Variants in QDPR observed in about 807,000 individuals in gnomAD.
QDPR encodes dihydropteridine reductase.
A neutral mutation model predicts 31.7 loss-of-function variants in QDPR; 23 were observed. That is an observed-to-expected ratio of 0.73 (90% CI 0.52 to 1.03). The LOEUF (loss-of-function observed/expected upper bound fraction) is 1.03, where lower values mean the gene tolerates loss of function less well. Among genes scored for constraint, QDPR ranks in the 50% least tolerant of loss-of-function variants. The pLI is 0.00. For synonymous variants in QDPR, 124 were observed against 124.7 expected, an observed-to-expected ratio of 0.99 and a Z score of 0.03; for missense variants, 324 against 323.8, an observed-to-expected ratio of 1.00 and a Z score of 0.00.
At chr4:17,490,429 G>A (rs1003030799) in intron 6 of QDPR, 12 of 513,446 alleles carry the variant, frequency 2.3e-5, no homozygotes, top group African/African-American at 9.5e-5. Flanking sequence ...GGTGGTGAGG[G>A]AGCGAGCCAG....
intron 3 of QDPR, among the ~76,000 whole-genome samples, chr4:17,503,671 C>T (rs1211539163): frequency 2.0e-5 from 3 of 152,138 alleles, no homozygotes; most frequent in African/African-American, 7.2e-5. Context: ...AAAAATGGGC[C>T]AGGCGCACTG....
intron 5 of QDPR, among the ~76,000 whole-genome samples, chr4:17,491,096 C>T (rs904768949): frequency 1.6e-4 from 25 of 152,190 alleles, no homozygotes; most frequent in African/African-American, 4.8e-4. Flanking sequence ...CCCTAACATG[C>T]AGCACACTCA....
intron 1 of QDPR, among the ~76,000 whole-genome samples, chr4:17,511,291 C>T (rs771056829): frequency 6.6e-6 from 1 of 152,116 alleles, no homozygotes; most frequent in Non-Finnish European, 1.5e-5. Flanking sequence ...AAATTGACAC[C>T]TGACTATGCA....
chr4:17,490,332 C>T (rs1186206685), intron 6 of QDPR: 7 of 361,726 alleles, frequency 1.9e-5, no homozygotes, highest in Middle Eastern at 9.3e-4. Flanking sequence ...CACACTATCA[C>T]GTTTAATCCT....
chr4:17,507,641 T>C (rs1718836406), intron 2 of QDPR, among the ~76,000 whole-genome samples: 1 of 151,558 alleles, frequency 6.6e-6, no homozygotes, highest in Non-Finnish European at 1.5e-5. Flanking sequence ...TCTCACTCTG[T>C]CACCCAGGAT....
chr4:17,503,452 AAC>A lies in QDPR; in HGVS notation c.295+925_295+926del, dbSNP rs554547854. On this transcript the variant is annotated intron_variant, in intron 3 of 6. Coordinates refer to ENST00000281243, the MANE Select transcript of QDPR (RefSeq NM_000320.3). ...GTAGGACGGGCTTATTCTTTGGAGAAACACGCGGAAATATAGTGAGGTGTAAA... is the reference window on the plus strand; with the variant it reads ...GTAGGACGGGCTTATTCTTTGGAGAAACGCGGAAATATAGTGAGGTGTAAA... Among the ~76,000 whole-genome samples, 92 of 152,344 alleles carry A rather than the reference AAC, an allele frequency of 6.0e-4. No individual in the cohort carries two copies. The Middle Eastern group carries it at 0.014, about 23-fold the overall frequency.
intron 4 of QDPR, among the ~76,000 whole-genome samples, chr4:17,494,423 A>G (rs1718279211): frequency 1.3e-5 from 2 of 152,154 alleles, no homozygotes; most frequent in Admixed American, 6.6e-5. Context: ...CAGCTTCATC[A>G]CCAGAACATG....
chr4:17,487,258 T>C, intron 6 of QDPR, 22 bp from the exon 7 acceptor site: 1 of 1,601,216 alleles, frequency 6.2e-7, no homozygotes, highest in Non-Finnish European at 8.6e-7. Context: ...AATAAAAGTT[T>C]TTTTTATATT....
intron 2 of QDPR, among the ~76,000 whole-genome samples, chr4:17,505,091 A>G (rs557703565): frequency 6.6e-5 from 10 of 152,182 alleles, no homozygotes; most frequent in African/African-American, 9.7e-5. Context: ...AGCATTGAAA[A>G]TATATGTATG....
intron 4 of QDPR, among the ~76,000 whole-genome samples, chr4:17,497,040 C>T (rs993369897): frequency 2.6e-5 from 4 of 152,114 alleles, no homozygotes; most frequent in Admixed American, 1.3e-4. Flanking sequence ...TGAGCCATCG[C>T]GCCCTGCCAA....
intron 3 of QDPR, among the ~76,000 whole-genome samples, chr4:17,504,036 T>C (rs1376136487): frequency 6.6e-6 from 1 of 152,104 alleles, no homozygotes; most frequent in East Asian, 1.9e-4. Context: ...TAGTAAAATC[T>C]CAAGTTTGAC....
At chr4:17,490,017 G>A (rs537224228) in intron 6 of QDPR, 2 of 159,048 alleles carry the variant, frequency 1.3e-5, no homozygotes, top group East Asian at 3.6e-4. Context: ...ATGAACACAT[G>A]CTTACTAACT....
rs188189611 is a variant in QDPR at position 17,506,956 on chromosome 4, G to A, written c.198+2315C>T. ...GATTTATACATGTATATTTTGGAGA[G>A]ACAGACTGGAAGGAAATATAAATAA... On this transcript the variant is annotated intron_variant, in intron 2 of 6. Coordinates refer to ENST00000281243, the MANE Select transcript of QDPR (RefSeq NM_000320.3). 1.6e-3 allele frequency among the ~76,000 whole-genome samples: 244 copies of A among 152,288 alleles called. 1 individual carries two copies. Among genetic ancestry groups the A allele is most frequent in the African/African-American group, 5.4e-3 (223 of 41,548 alleles).
intron 1 of QDPR, chr4:17,509,986 A>G (rs1053954182): frequency 2.2e-6 from 1 of 456,250 alleles, no homozygotes; most frequent in Non-Finnish European, 4.4e-6. Flanking sequence ...CTGCAATTGT[A>G]ACAGAACACA....
intron 4 of QDPR, among the ~76,000 whole-genome samples, chr4:17,493,319 C>A (rs1006372041): frequency 6.6e-6 from 1 of 152,092 alleles, no homozygotes; most frequent in Non-Finnish European, 1.5e-5. Context: ...CCTGTGGTCC[C>A]GGCTACTCGG....
chr4:17,497,246 C>T (rs1009564859), intron 4 of QDPR, among the ~76,000 whole-genome samples: 1 of 152,116 alleles, frequency 6.6e-6, no homozygotes, highest in Non-Finnish European at 1.5e-5. Flanking sequence ...TGAATTTTTA[C>T]TACATGCATT....
At chr4:17,488,644 T>C (rs910292321) in intron 6 of QDPR, among the ~76,000 whole-genome samples, 5 of 152,228 alleles carry the variant, frequency 3.3e-5, no homozygotes, top group African/African-American at 1.2e-4. Context: ...ACATTTACAT[T>C]TGAGTACATC....
intron 5 of QDPR, 72 bp from the exon 6 acceptor site, chr4:17,490,817 C>A: frequency 1.6e-6 from 2 of 1,249,890 alleles, no homozygotes; most frequent in South Asian, 1.3e-5. Context: ...TCCCCCTTGG[C>A]CAGGAAAACG....
intron 4 of QDPR, among the ~76,000 whole-genome samples, chr4:17,497,133 G>A (rs755772944): frequency 1.3e-5 from 2 of 152,164 alleles, no homozygotes; most frequent in Non-Finnish European, 2.9e-5. Flanking sequence ...AAGGACACCT[G>A]AGAAGCCATC....
Sources: allele counts gnomAD v4.1 joint callset (sites outside exome capture counted in the v4.1 genomes callset), GRCh38; gene constraint gnomAD v4.1.1; transcripts MANE v1.5; gene names NCBI Gene and HGNC (gene_info 2026-07-23, HGNC 2026-07-21).